Variants in RADIL observed in about 807,000 individuals in gnomAD.
RADIL encodes Rap associating with DIL domain.
Under a neutral mutation model 97.6 loss-of-function variants are expected in RADIL, and 99 were observed. That is an observed-to-expected ratio of 1.01 (90% CI 0.86 to 1.20). The LOEUF is 1.20. Ranked by LOEUF, RADIL falls within the 50% of genes most tolerant of loss-of-function variation. The probability of loss-of-function intolerance (pLI) is 0.00; values close to 1 mark genes in which losing one functional copy is unlikely to be tolerated. For synonymous variants in RADIL, 803 were observed against 691.8 expected (o/e 1.16, Z -2.52); for missense variants, 1,765 against 1,498.9 (o/e 1.18, Z -2.93).
rs189126958 is a variant in RADIL at position 4,805,071 on chromosome 7, A to G, written c.2290+495T>C. On this transcript the variant is annotated intron_variant, in intron 10 of 14. Transcript: ENST00000399583. Reference sequence around the variant, plus strand: ...ATTGCACCACTGCACTCCAGCCTGGATGACAGAGCAAGACTCTTGTCTCAA... The same window carrying G: ...ATTGCACCACTGCACTCCAGCCTGGGTGACAGAGCAAGACTCTTGTCTCAA... Among the ~76,000 whole-genome samples the G allele has an allele frequency of 3.8e-3, 573 of 152,124 alleles. 5 individuals are homozygous for G. The highest frequency in any genetic ancestry group is 5.4e-3 in the Non-Finnish European group (366 of 68,002).
At chr7:4,823,342 TTTTTTTTTTTA>T (rs907955068) in intron 5 of RADIL, among the ~76,000 whole-genome samples, 3 of 142,254 alleles carry the variant, frequency 2.1e-5, no homozygotes, top group Non-Finnish European at 4.9e-5. Flanking sequence ...TTTTTTTTTT[TTTTTTTTTTTA>T]GAGACAGGGT....
rs1317881751 is a variant in RADIL, at chr7:4,814,759, T to C, written c.2139+519A>G. On this transcript the variant is annotated intron_variant, in intron 9 of 14. Transcript: ENST00000399583. The surrounding 1 kb of genome is among the most constrained non-coding windows in gnomAD (Gnocchi z 4.5). ...CCCGGGGGAGGATCTGTCTCCCTGC[T>C]CTTCCGGTTGCTGTCAGAATTCAGT... Among the ~76,000 whole-genome samples the C allele has an allele frequency of 6.6e-6, 1 of 152,188 alleles. No individual in the cohort carries two copies. The highest frequency in any genetic ancestry group is 1.9e-4 in the East Asian group (1 of 5,194).
chr7:4,804,285 G>A (rs1003459321), intron 10 of RADIL, among the ~76,000 whole-genome samples: 6 of 152,250 alleles, frequency 3.9e-5, no homozygotes, highest in African/African-American at 1.4e-4. Context: ...TCAGGCCACA[G>A]AAATGAATCA....
In RADIL at chr7:4,817,327, C is replaced by T; in HGVS notation, c.1640G>A (p.Cys547Tyr). The T allele has an allele frequency of 6.2e-7, 1 of 1,612,286 alleles. No individual in the cohort carries two copies. The highest frequency in any genetic ancestry group is 8.5e-7 in the Non-Finnish European group (1 of 1,179,634). ...ITGSKESLFS[C>Y]TLTASEEAMA... ...GGCCTCCTCGCTGGCCGTCAGCGTG[C>T]AGGAGAACAGCGATTCCTTCGAGCC... Residue 547 changes from cysteine to tyrosine, a missense_variant, in exon 7 of 15, where the codon TGC becomes TAC. Transcript: ENST00000399583. The surrounding 1 kb of genome is among the most constrained non-coding windows in gnomAD (Gnocchi z 8.3).
At chr7:4,846,829 G>A (rs1783586813) in intron 2 of RADIL, among the ~76,000 whole-genome samples, 1 of 152,134 alleles carries the variant, frequency 6.6e-6, no homozygotes, top group Non-Finnish European at 1.5e-5. Context: ...TTATAGGCAT[G>A]AGCCACCGTG....
chr7:4,835,178 C>T lies in RADIL; in HGVS notation c.845G>A (p.Ser282Asn). Residue 282 changes from serine (S) to asparagine (N), a missense_variant, in exon 4 of 15, where the codon AGC becomes AAC. Transcript: ENST00000399583. The surrounding 1 kb of genome is among the most constrained non-coding windows in gnomAD (Gnocchi z 5.8). ...GGCTGAGAGGCTGATGCTGGGCTTG[C>T]TGGAGGGGGTCCGCTGGCCCACCGT... ...RHTVGQRTPS[S>N]KPSISLSAPD... 3 of 1,612,016 alleles carry T rather than the reference C, an allele frequency of 1.9e-6. No individual in the cohort carries two copies. The highest frequency in any genetic ancestry group is 1.1e-5 in the South Asian group (1 of 90,918).
intron 5 of RADIL, among the ~76,000 whole-genome samples, chr7:4,829,321 C>T (rs1010613908): frequency 2.6e-5 from 4 of 152,194 alleles, no homozygotes; most frequent in African/African-American, 9.6e-5. Flanking sequence ...GACCCACCCC[C>T]AGTGCATGGC....
chr7:4,824,924 A>G lies in RADIL; in HGVS notation c.1455-2370T>C, dbSNP rs1300140370. Among the ~76,000 whole-genome samples, 1 of 152,198 alleles carries G rather than the reference A, an allele frequency of 6.6e-6. No individual in the cohort carries two copies. Among genetic ancestry groups the G allele is most frequent in the Admixed American group, 6.5e-5 (1 of 15,288 alleles). ...GGCCTGTCCCAGGAAACAAGTGACC[A>G]GGCTTTGCAACTGGAGTTTCGGGAT... On this transcript the variant is annotated intron_variant, in intron 5 of 14. Coordinates refer to ENST00000399583, the MANE Select transcript of RADIL (RefSeq NM_018059.5). This position sits in a 1 kb window ranked among gnomAD's most constrained non-coding sequence, Gnocchi z 6.7.
At chr7:4,855,056 G>A (rs1783794016) in intron 2 of RADIL, among the ~76,000 whole-genome samples, 1 of 152,086 alleles carries the variant, frequency 6.6e-6, no homozygotes, top group African/African-American at 2.4e-5. Flanking sequence ...GCATTTTTGT[G>A]CTTTTCCCTC....
rs1294080262 is a variant in RADIL, at chr7:4,840,171, C to T, written c.536-3566G>A. 1.3e-5 allele frequency among the ~76,000 whole-genome samples: 2 copies of T among 152,224 alleles called. No individual in the cohort carries two copies. The highest frequency in any genetic ancestry group is 4.8e-5 in the African/African-American group (2 of 41,466). On this transcript the variant is annotated intron_variant, in intron 2 of 14. Transcript: ENST00000399583. This position sits in a 1 kb window ranked among gnomAD's most constrained non-coding sequence, Gnocchi z 5.6. ...CAGATGGGACCCAGCACTCTGCTCC[C>T]AGGGGGTCGGCTGTCAGGCTTGTTG...
chr7:4,877,619 T>G lies in RADIL; in HGVS notation c.521A>C (p.Asp174Ala). 1.2e-6 allele frequency: 2 copies of G among 1,602,142 alleles called. No individual in the cohort carries two copies. The highest frequency in any genetic ancestry group is 1.7e-6 in the Non-Finnish European group (2 of 1,174,592). Reference sequence around the variant, plus strand: ...GCCCCCCTCACCTGCCGTGATGGTGTCCACCTCCTTGGCTGCCAGCTCCTC... The same window carrying G: ...GCCCCCCTCACCTGCCGTGATGGTGGCCACCTCCTTGGCTGCCAGCTCCTC... Reference protein sequence around the residue: ...DVEELAAKEVDTITAGINAQA... With the variant: ...DVEELAAKEVATITAGINAQA... Residue 174 changes from aspartate to alanine, a missense_variant, in exon 2 of 15, where the codon GAC becomes GCC. Coordinates refer to ENST00000399583, the MANE Select transcript of RADIL (RefSeq NM_018059.5).
At chr7:4,832,412 A>G (rs1203332844) in intron 4 of RADIL, among the ~76,000 whole-genome samples, 2 of 152,198 alleles carry the variant, frequency 1.3e-5, no homozygotes, top group African/African-American at 2.4e-5. Flanking sequence ...AGTATCTCAC[A>G]ACTCTCTAGC....
Position 4,834,550 on chromosome 7 carries a change from G to A in RADIL, c.1416+57C>T. On this transcript the variant is annotated intron_variant, in intron 4 of 14. Transcript: ENST00000399583. This position sits in a 1 kb window ranked among gnomAD's most constrained non-coding sequence, Gnocchi z 6.0. ...GCCTCCCAGCCGGGGCCAGCTCCGG[G>A]CCCCCTCTTCCCCCAGACCGGCACA... The A allele has an allele frequency of 7.7e-7, 1 of 1,292,360 alleles. No homozygotes were observed. Among genetic ancestry groups the A allele is most frequent in the Non-Finnish European group, 9.8e-7 (1 of 1,018,222 alleles). The allele number at this position is 1,292,360 out of a possible 1,614,324, so 80.1% of individuals were successfully genotyped here. A position where few individuals can be genotyped will look rare whatever the true frequency, so the allele number is the denominator to read the frequency against.
At chr7:4,839,903 T>A (rs1424149200) in intron 2 of RADIL, among the ~76,000 whole-genome samples, 1 of 152,154 alleles carries the variant, frequency 6.6e-6, no homozygotes, top group South Asian at 2.1e-4. Context: ...CGTGCCACCA[T>A]GCTGGGCTAA....
At chr7:4,825,301 G>A (rs1428605099) in intron 5 of RADIL, among the ~76,000 whole-genome samples, 1 of 152,212 alleles carries the variant, frequency 6.6e-6, no homozygotes, top group Non-Finnish European at 1.5e-5. Flanking sequence ...TCCTGCGGGT[G>A]GAGGGAAGCA....
In RADIL at chr7:4,834,947, G is replaced by C. The variant is rs748222975; in HGVS notation, c.1076C>G (p.Ala359Gly). The change falls in exon 4 of 15, where the codon GCG (alanine) becomes GGG (glycine). Residue 359 changes from alanine (A) to glycine (G), a missense_variant. Physicochemically the swap from Ala to Gly is moderately conservative, Grantham distance 60 (BLOSUM62 0). Coordinates refer to ENST00000399583, the MANE Select transcript of RADIL (RefSeq NM_018059.5). The surrounding 1 kb of genome is among the most constrained non-coding windows in gnomAD (Gnocchi z 6.0). ...CCGGGCGGGCAGGGGCTGGGCCTGC[G>C]CGGGGTCCTTGAATAGCAGCAGGTA... ...LYYLLLFKDP[A>G]QAQPLPARAL... is the part of the protein sequence containing the mutation. 6.2e-7 allele frequency: 1 copy of C among 1,603,298 alleles called. No homozygotes were observed. Among genetic ancestry groups the C allele is most frequent in the East Asian group, 2.2e-5 (1 of 44,662 alleles).
chr7:4,801,449 G>A (rs948602417), intron 12 of RADIL, among the ~76,000 whole-genome samples: 1 of 152,364 alleles, frequency 6.6e-6, no homozygotes, highest in Admixed American at 6.5e-5. Flanking sequence ...AGACGTGTCA[G>A]CGACTGAGCG....
At chr7:4,826,043 G>GA (rs1007253294) in intron 5 of RADIL, among the ~76,000 whole-genome samples, 2 of 151,566 alleles carry the variant, frequency 1.3e-5, no homozygotes, top group East Asian at 1.9e-4. Flanking sequence ...TGTCTCTACA[G>GA]AAAAAATCAA....
intron 5 of RADIL, among the ~76,000 whole-genome samples, chr7:4,828,921 G>T (rs978727120): frequency 6.6e-6 from 1 of 152,166 alleles, no homozygotes; most frequent in East Asian, 1.9e-4. Flanking sequence ...ACTGCAGGCT[G>T]CCCAGCAAAC....
Sources: allele counts gnomAD v4.1 joint callset (sites outside exome capture counted in the v4.1 genomes callset), GRCh38; gene constraint gnomAD v4.1.1; non-coding constraint Gnocchi (gnomAD v3.1); transcripts MANE v1.5; gene names NCBI Gene and HGNC (gene_info 2026-07-23, HGNC 2026-07-21).